Variants in ERBB4 observed in about 807,000 individuals in gnomAD.
ERBB4 encodes the protein erb-b2 receptor tyrosine kinase 4.
ERBB4 carries 42 observed loss-of-function variants against 158.0 expected under a neutral mutation model. The ratio of observed to expected loss-of-function variants is 0.27; its 90% CI spans 0.21 to 0.34. ERBB4 has a LOEUF of 0.34. Among genes scored for constraint, ERBB4 ranks in the 10% least tolerant of loss-of-function variants. The pLI is 1.00. For synonymous variants in ERBB4, 583 were observed against 558.7 expected, an observed-to-expected ratio of 1.04 and a Z score of -0.61; for missense variants, 1,333 against 1,624.1, an observed-to-expected ratio of 0.82 and a Z score of 3.08.
intron 2 of ERBB4, among the ~76,000 whole-genome samples, chr2:212,095,547 G>A (rs1300428385): frequency 6.6e-6 from 1 of 152,188 alleles, no homozygotes; most frequent in Non-Finnish European, 1.5e-5. Context: ...TCAAAGAACA[G>A]AGAAAAAGGC....
At chr2:211,996,545 A>G (rs1218240248) in intron 2 of ERBB4, among the ~76,000 whole-genome samples, 1 of 152,224 alleles carries the variant, frequency 6.6e-6, no homozygotes, top group Non-Finnish European at 1.5e-5. Flanking sequence ...AAAGCAGGTT[A>G]AAATCTCATT....
At chr2:212,161,673 T>C (rs933640741) in intron 1 of ERBB4, among the ~76,000 whole-genome samples, 5 of 151,888 alleles carry the variant, frequency 3.3e-5, no homozygotes, top group African/African-American at 1.2e-4. Flanking sequence ...AAAGTAAATT[T>C]TGAATGAAAT....
chr2:211,809,586 CT>C (rs1328589961), intron 3 of ERBB4, among the ~76,000 whole-genome samples: 10 of 152,018 alleles, frequency 6.6e-5, no homozygotes, highest in Non-Finnish European at 2.9e-5. Context: ...CTCTTTTCTT[CT>C]TTATTAGTCT....
At chr2:212,289,246 T>C (rs1441571167) in intron 1 of ERBB4, among the ~76,000 whole-genome samples, 1 of 152,224 alleles carries the variant, frequency 6.6e-6, no homozygotes, top group Non-Finnish European at 1.5e-5. Flanking sequence ...TTGCTGCTTT[T>C]CCTGATTTTT....
At chr2:212,292,387 T>C (rs990367345) in intron 1 of ERBB4, among the ~76,000 whole-genome samples, 1 of 152,028 alleles carries the variant, frequency 6.6e-6, no homozygotes, top group African/African-American at 2.4e-5. Context: ...GTAACAAGAA[T>C]TGAATCCTCA....
intron 16 of ERBB4, among the ~76,000 whole-genome samples, chr2:211,632,252 GAT>G (rs2070170796): frequency 6.6e-6 from 1 of 151,972 alleles, no homozygotes; most frequent in Non-Finnish European, 1.5e-5. Context: ...TCTTCATTGT[GAT>G]ATGTTTTTGT....
intron 1 of ERBB4, among the ~76,000 whole-genome samples, chr2:212,161,073 C>T (rs997977275): frequency 6.6e-6 from 1 of 151,968 alleles, no homozygotes; most frequent in African/African-American, 2.4e-5. Context: ...GTCATCTCCA[C>T]AAGCTTATAA....
rs759299038 is a variant in ERBB4, at chr2:211,898,883, C to T, written c.421+48547G>A. Among the ~76,000 whole-genome samples the T allele has an allele frequency of 2.0e-5, 3 of 152,108 alleles. No individual in the cohort carries two copies. In the East Asian group the frequency reaches 5.8e-4, roughly 29 times the overall value. On this transcript the variant is annotated intron_variant, in intron 3 of 27. Coordinates refer to ENST00000342788, the MANE Select transcript of ERBB4 (RefSeq NM_005235.3). ...GACCTTAAGTTACAAAAGTTCACAG[C>T]TGTATTTATAGACCAGTATTAAAAC...
intron 1 of ERBB4, among the ~76,000 whole-genome samples, chr2:212,178,106 G>A (rs935657426): frequency 5.9e-5 from 9 of 151,444 alleles, no homozygotes; most frequent in Admixed American, 4.6e-4. Context: ...AGATAAGGCC[G>A]AAATATAAGA....
rs531980781 is a variant in ERBB4 at position 212,077,229 on chromosome 2, C to T, written c.234+47523G>A. On this transcript the variant is annotated intron_variant, in intron 2 of 27. Coordinates refer to ENST00000342788, the MANE Select transcript of ERBB4 (RefSeq NM_005235.3). ...CTGTGGGGGGCAAAATTATCATTAT[C>T]TACTAAAGTTTAACTTACGTATATT... Among the ~76,000 whole-genome samples the T allele has an allele frequency of 3.2e-4, 49 of 152,004 alleles. 1 individual carries two copies. In the South Asian group the frequency reaches 8.5e-3, roughly 26 times the overall value.
intron 1 of ERBB4, among the ~76,000 whole-genome samples, chr2:212,331,973 G>A (rs931432888): frequency 1.3e-4 from 19 of 151,872 alleles, no homozygotes; most frequent in Admixed American, 1.2e-3. Context: ...GCTGTCTCAG[G>A]TCACCCATAT....
chr2:212,122,265 T>C (rs552692345), intron 2 of ERBB4, among the ~76,000 whole-genome samples: 2 of 152,052 alleles, frequency 1.3e-5, no homozygotes, highest in African/African-American at 4.8e-5. Context: ...ATAAATGTCA[T>C]TGTTTACTTG....
At chr2:211,931,321 G>GTAA (rs2080168582) in intron 3 of ERBB4, among the ~76,000 whole-genome samples, 1 of 152,004 alleles carries the variant, frequency 6.6e-6, no homozygotes, top group Admixed American at 6.6e-5. Context: ...TATTATTATA[G>GTAA]CACGTTGTTA....
chr2:212,232,716 G>A (rs1309607158), intron 1 of ERBB4, among the ~76,000 whole-genome samples: 1 of 152,078 alleles, frequency 6.6e-6, no homozygotes, highest in Non-Finnish European at 1.5e-5. Context: ...CCGGGAGTAA[G>A]TAAAGATTCT....
intron 3 of ERBB4, among the ~76,000 whole-genome samples, chr2:211,944,945 C>A (rs568890375): frequency 3.9e-5 from 6 of 152,128 alleles, no homozygotes; most frequent in African/African-American, 1.4e-4. Flanking sequence ...TTGCTGTCTC[C>A]CCTCATTTTA....
chr2:211,425,366 A>T (rs1447755892), intron 22 of ERBB4, among the ~76,000 whole-genome samples: 2,126 of 120,386 alleles, frequency 0.018, 54 homozygotes, highest in African/African-American at 0.12. Context: ...ATATAAAACT[A>T]TGTGGAATTT....
chr2:212,373,738 C>CAT (rs1335067195), intron 1 of ERBB4, among the ~76,000 whole-genome samples: 1,716 of 138,140 alleles, frequency 0.012, 128 homozygotes, highest in African/African-American at 0.045. Flanking sequence ...TATATATATC[C>CAT]ATATATATAT....
At chr2:211,528,267 C>A (rs1253205980) in intron 20 of ERBB4, among the ~76,000 whole-genome samples, 1 of 151,802 alleles carries the variant, frequency 6.6e-6, no homozygotes, top group African/African-American at 2.4e-5. Context: ...CAAAGCAGGT[C>A]ATTATATAAT....
chr2:212,034,324 A>T (rs1030752192), intron 2 of ERBB4, among the ~76,000 whole-genome samples: 2 of 151,988 alleles, frequency 1.3e-5, no homozygotes, highest in Non-Finnish European at 2.9e-5. Flanking sequence ...ACTCTAATGG[A>T]CAAAATATAT....
Sources: gnomAD v4.1 joint callset for allele counts (sites outside exome capture counted in the v4.1 genomes callset) on GRCh38, gnomAD v4.1.1 for gene constraint, MANE v1.5 for transcripts, NCBI Gene and HGNC (gene_info 2026-07-23, HGNC 2026-07-21) for gene names.